The following ADIPOR2 variants were observed in gnomAD, a reference collection of about 807,000 sequenced individuals.
The protein encoded by ADIPOR2 is adiponectin receptor protein 2.
Under a neutral mutation model 40.9 loss-of-function variants are expected in ADIPOR2, and 18 were observed. The observed-to-expected ratio is 0.44, with a 90% CI of 0.30 to 0.65. The LOEUF is 0.65. ADIPOR2 is among the 30% of genes least tolerant of loss of function. The pLI is 0.09. For missense variants in ADIPOR2, 283 were observed against 479.2 expected (o/e 0.59, Z 3.82); for synonymous variants, 165 against 166.4 (o/e 0.99, Z 0.06).
intron 3 of ADIPOR2, among the ~76,000 whole-genome samples, 186 bp from the exon 4 acceptor site, chr12:1,777,668 A>G (rs1443796935): frequency 6.6e-6 from 1 of 152,134 alleles, no homozygotes; most frequent in Admixed American, 6.6e-5. Context: ...CGGCAAAAAT[A>G]TATTTTTCAT....
At chr12:1,740,412 T>A (rs2094740210) in intron 1 of ADIPOR2, among the ~76,000 whole-genome samples, 1 of 152,210 alleles carries the variant, frequency 6.6e-6, no homozygotes, top group Admixed American at 6.5e-5. Context: ...TTGCCTTCTC[T>A]CTGTCCTCAC....
intron 2 of ADIPOR2, among the ~76,000 whole-genome samples, 182 bp downstream of exon 2, chr12:1,754,696 TTATTACTACTACTACTACTAC>T (rs1370708858): frequency 1.7e-5 from 1 of 60,180 alleles, no homozygotes; most frequent in Non-Finnish European, 3.8e-5. Flanking sequence ...TTTATTATTA[TTATTACTACTACTACTACTAC>T]TACTACTACT....
chr12:1,751,924 CTT>C (rs59026188), intron 1 of ADIPOR2, among the ~76,000 whole-genome samples: 5 of 144,116 alleles, frequency 3.5e-5, no homozygotes, highest in Admixed American at 1.4e-4. Flanking sequence ...TTCTTTCTTT[CTT>C]TTTTTTTTTT....
At chr12:1,745,005 A>G (rs1203090627) in intron 1 of ADIPOR2, among the ~76,000 whole-genome samples, 1 of 152,176 alleles carries the variant, frequency 6.6e-6, no homozygotes, top group Non-Finnish European at 1.5e-5. Flanking sequence ...AGGTTCGGAA[A>G]CAAAAAGAAG....
At chr12:1,729,617 GTTTTTTTTTTT>G (rs56921758) in intron 1 of ADIPOR2, among the ~76,000 whole-genome samples, 35,230 of 90,574 alleles carry the variant, frequency 0.39, 4,833 homozygotes, top group Admixed American at 0.55. Context: ...TCAGCCAGTT[GTTTTTTTTTTT>G]TTTTTTTTTT....
At chr12:1,762,597 CTAAT>C (rs1862292889) in intron 2 of ADIPOR2, among the ~76,000 whole-genome samples, 1 of 152,326 alleles carries the variant, frequency 6.6e-6, no homozygotes, top group Non-Finnish European at 1.5e-5. Context: ...GGAAGCTTAA[CTAAT>C]CTACTTCTTT....
chr12:1,745,141 T>C (rs1314200170), intron 1 of ADIPOR2, among the ~76,000 whole-genome samples: 1 of 152,194 alleles, frequency 6.6e-6, no homozygotes, highest in African/African-American at 2.4e-5. Context: ...CAAGATTCCT[T>C]GAGCATTCCA....
rs1217308456 is a variant in ADIPOR2, at chr12:1,774,744, C to T, written c.291+1783C>T. ...TATTTATTGTTGAGTCTCGCTCTGT[C>T]GCTAGGCTGGAGTGCAGTGGCACGA... On this transcript the variant is annotated intron_variant, in intron 3 of 7. Coordinates refer to ENST00000357103, the MANE Select transcript of ADIPOR2 (RefSeq NM_024551.3). 7.2e-5 allele frequency among the ~76,000 whole-genome samples: 11 copies of T among 152,314 alleles called. No individual in the cohort carries two copies. In the South Asian group the frequency reaches 1.2e-3, roughly 17 times the overall value.
chr12:1,712,781 G>T (rs963892948), intron 1 of ADIPOR2, among the ~76,000 whole-genome samples: 1 of 152,040 alleles, frequency 6.6e-6, no homozygotes, highest in Non-Finnish European at 1.5e-5. Flanking sequence ...AGGAACCCCC[G>T]CAACTGTTTT....
intron 1 of ADIPOR2, among the ~76,000 whole-genome samples, chr12:1,737,298 T>G (rs2094732892): frequency 6.6e-6 from 1 of 152,178 alleles, no homozygotes; most frequent in South Asian, 2.1e-4. Context: ...TTGAAGTTGT[T>G]TTGTTTTGAG....
intron 4 of ADIPOR2, among the ~76,000 whole-genome samples, chr12:1,779,118 G>T (rs1392008740): frequency 3.3e-5 from 5 of 152,188 alleles, no homozygotes; most frequent in Non-Finnish European, 7.3e-5. Flanking sequence ...CCATGGAAAA[G>T]TCTGGCAGTT....
intron 1 of ADIPOR2, among the ~76,000 whole-genome samples, chr12:1,693,704 T>G (rs2094632219): frequency 6.6e-6 from 1 of 151,844 alleles, no homozygotes; most frequent in Non-Finnish European, 1.5e-5. Flanking sequence ...CGGCCAATTT[T>G]TTTTTTGTAT....
intron 1 of ADIPOR2, among the ~76,000 whole-genome samples, chr12:1,740,351 A>G (rs1464714125): frequency 6.6e-6 from 1 of 152,180 alleles, no homozygotes; most frequent in Non-Finnish European, 1.5e-5. Flanking sequence ...CAAGATCAAC[A>G]TGTCAGCAGG....
chr12:1,708,447 A>G (rs1244949916), intron 1 of ADIPOR2, among the ~76,000 whole-genome samples: 1 of 152,214 alleles, frequency 6.6e-6, no homozygotes, highest in Non-Finnish European at 1.5e-5. Context: ...GTATTTAGCT[A>G]CACCAAGGTT....
At chr12:1,691,562 C>T (rs2094627104) in intron 1 of ADIPOR2, among the ~76,000 whole-genome samples, 1 of 152,188 alleles carries the variant, frequency 6.6e-6, no homozygotes, top group Non-Finnish European at 1.5e-5. Flanking sequence ...AGGATCTGCC[C>T]GCCCCTCTTC....
At chr12:1,760,177 A>G (rs897784148) in intron 2 of ADIPOR2, among the ~76,000 whole-genome samples, 6 of 152,180 alleles carry the variant, frequency 3.9e-5, no homozygotes, top group Admixed American at 6.5e-5. Context: ...AAAATAGTTA[A>G]TGTATTAAAA....
intron 1 of ADIPOR2, among the ~76,000 whole-genome samples, chr12:1,717,313 G>A (rs1484887219): frequency 6.6e-6 from 1 of 152,156 alleles, no homozygotes; most frequent in Non-Finnish European, 1.5e-5. Flanking sequence ...ATTAAGAGAA[G>A]TATTGCCTTT....
chr12:1,773,667 CTGTG>C, intron 3 of ADIPOR2, among the ~76,000 whole-genome samples: 1 of 151,988 alleles, frequency 6.6e-6, no homozygotes, highest in South Asian at 2.1e-4. Flanking sequence ...GTCGATCAGT[CTGTG>C]TGTATACGTA....
intron 1 of ADIPOR2, among the ~76,000 whole-genome samples, chr12:1,719,135 GT>G (rs1409225131): frequency 6.6e-6 from 1 of 151,758 alleles, no homozygotes; most frequent in African/African-American, 2.4e-5. Context: ...CTTTTGCCAT[GT>G]TACCAATTAT....
Sources: allele counts gnomAD v4.1 joint callset (sites outside exome capture counted in the v4.1 genomes callset), GRCh38; gene constraint gnomAD v4.1.1; transcripts MANE v1.5; gene names NCBI Gene and HGNC (gene_info 2026-07-23, HGNC 2026-07-21).